The following DNAH10 variants were observed in gnomAD, a reference collection of about 807,000 sequenced individuals.
The protein encoded by DNAH10 is axonemal beta dynein heavy chain 10.
DNAH10 carries 348 observed loss-of-function variants against 506.6 expected under a neutral mutation model. That is an observed-to-expected ratio of 0.69 (90% CI 0.63 to 0.75). The LOEUF (loss-of-function observed/expected upper bound fraction) is 0.75, where lower values mean the gene tolerates loss of function less well. DNAH10 is among the 30% of genes least tolerant of loss of function. The pLI, the probability that DNAH10 is intolerant of heterozygous loss-of-function variation, is 0.00. For missense variants in DNAH10, 5,179 were observed against 5,787.1 expected (o/e 0.89, Z 3.41); for synonymous variants, 2,059 against 2,198.6 (o/e 0.94, Z 1.78).
chr12:123,789,740 C>A (rs1477019848), intron 10 of DNAH10, among the ~76,000 whole-genome samples, 187 bp from the exon 11 acceptor site: 1 of 152,114 alleles, frequency 6.6e-6, no homozygotes, highest in African/African-American at 2.4e-5. Flanking sequence ...GAGGAACAGG[C>A]AGGTGCAGAC....
Position 123,813,186 on chromosome 12 carries a change from G to A in DNAH10, c.3167G>A (p.Gly1056Asp), listed in dbSNP as rs756579937. 1.9e-6 allele frequency: 3 copies of A among 1,604,900 alleles called. No homozygotes were observed. The African/African-American group carries it at 4.0e-5, about 22-fold the overall frequency. Residue 1056 changes from glycine (G) to aspartate (D), a missense_variant, in exon 20 of 79, where the codon GGC becomes GAC. Transcript: ENST00000673944. ...ITKHFVRWMN[G>D]SCIECPPQKG... The stretch of plus-strand genomic sequence containing the variant: ...CAGCATTTTGTTCGTTGGATGAATG[G>A]CAGCTGCATAGAATGCCCACCTCAG...
At chr12:123,898,528 G>C in intron 55 of DNAH10, 125 bp from the exon 56 acceptor site, 7 of 1,244,488 alleles carry the variant, frequency 5.6e-6, no homozygotes, top group South Asian at 3.3e-5. Context: ...GGTACTGAAA[G>C]ACATGTGCCA....
intron 54 of DNAH10, among the ~76,000 whole-genome samples, chr12:123,897,204 A>G (rs942438178): frequency 6.6e-6 from 1 of 152,202 alleles, no homozygotes; most frequent in East Asian, 1.9e-4. Context: ...AGTGAATACT[A>G]TCCCCGGTAT....
At chr12:123,931,256 A>G (rs551569965) in intron 73 of DNAH10, 85 bp from the exon 74 acceptor site, 6 of 1,555,206 alleles carry the variant, frequency 3.9e-6, no homozygotes, top group Non-Finnish European at 5.2e-6. Flanking sequence ...TTAGTCTTGC[A>G]TGTCTTGGAG....
At chr12:123,856,775 TTA>T (rs1951408647) in intron 36 of DNAH10, among the ~76,000 whole-genome samples, 1 of 147,666 alleles carries the variant, frequency 6.8e-6, no homozygotes, top group East Asian at 1.9e-4. Context: ...AAAAATAAAA[TTA>T]TATAATTTCT....
chr12:123,785,598 C>G lies in DNAH10; in HGVS notation c.1231-148C>G, dbSNP rs1187407811. ...AGGCTGCAGTAAGCCATGTTTGTGC[C>G]ATTGCACTCCAGCCTGGGCACCAGA... On this transcript the variant is annotated intron_variant, in intron 8 of 78. Transcript: ENST00000673944. This position sits in a 1 kb window ranked among gnomAD's most constrained non-coding sequence, Gnocchi z 4.1. The G allele has an allele frequency of 2.9e-6, 2 of 693,322 alleles. No individual in the cohort carries two copies. Among genetic ancestry groups the G allele is most frequent in the Admixed American group, 6.4e-5 (2 of 31,284 alleles). 42.9% of individuals were successfully genotyped at this position (693,322 alleles called of 1,614,324 possible). A position where few individuals can be genotyped will look rare whatever the true frequency, so the allele number is the denominator to read the frequency against.
rs1229278268 is a variant in DNAH10, at chr12:123,853,381, G to A, written c.6438+29G>A. The A allele has an allele frequency of 1.9e-6, 3 of 1,599,582 alleles. No homozygotes were observed. Among genetic ancestry groups the A allele is most frequent in the Admixed American group, 1.7e-5 (1 of 57,984 alleles). ...GGGGCCACGTGCTGGAACATTCTCT[G>A]GTTTCAGCTGCTTCAGGCATTTACT... On this transcript the variant is annotated intron_variant, in intron 36 of 78. Coordinates refer to ENST00000673944, the MANE Select transcript of DNAH10 (RefSeq NM_001372106.1). The surrounding 1 kb of genome is among the most constrained non-coding windows in gnomAD (Gnocchi z 4.7).
At chr12:123,803,238 C>G (rs1445876392) in intron 16 of DNAH10, among the ~76,000 whole-genome samples, 1 of 152,054 alleles carries the variant, frequency 6.6e-6, no homozygotes, top group African/African-American at 2.4e-5. Context: ...TTTTTATTTT[C>G]ATAAAGTGAG....
In DNAH10 at chr12:123,913,165, C is replaced by T. The variant is rs762754495; in HGVS notation, c.10202C>T (p.Ala3401Val). 9 of 1,611,448 alleles carry T rather than the reference C, an allele frequency of 5.6e-6. No homozygotes were observed. The South Asian group carries it at 9.9e-5, about 18-fold the overall frequency. ...CTGGAAAGGATCCAGAATGAGTTGG[C>T]AGCAATTCAGAAAGAGCTGGAAACA... The part of the protein sequence containing the change: ...RELERIQNEL[A>V]AIQKELETLG... The change falls in exon 60 of 79, where the codon GCA (alanine) becomes GTA (valine). Residue 3401 changes from alanine (A) to valine (V), a missense_variant. This residue lies in a region of DNAH10 where 4,844 missense variants were observed against 5,430.5 expected (regional missense o/e 0.89). Transcript: ENST00000673944. This position sits in a 1 kb window ranked among gnomAD's most constrained non-coding sequence, Gnocchi z 5.1.
rs899356483 is a variant in DNAH10, at chr12:123,929,688, T to A, written c.12541T>A (p.Tyr4181Asn). ...FQVCMEILNT[Y>N]LTKAFQQRDP... ...GGTCTGCATGGAAATTCTGAACACGTACTTAACGAAAGCCTTCCAGCAACG... is the reference window on the plus strand; with the variant it reads ...GGTCTGCATGGAAATTCTGAACACGAACTTAACGAAAGCCTTCCAGCAACG... Residue 4181 changes from tyrosine (Y) to asparagine (N), a missense_variant, in exon 72 of 79, where the codon TAC (tyrosine) becomes AAC (asparagine). Physicochemically the swap from Tyr to Asn is moderately radical, Grantham distance 143. Coordinates refer to ENST00000673944, the MANE Select transcript of DNAH10 (RefSeq NM_001372106.1). The A allele has an allele frequency of 6.2e-7, 1 of 1,613,418 alleles. No individual in the cohort carries two copies. The highest frequency in any genetic ancestry group is 1.3e-5 in the African/African-American group (1 of 74,908).
In DNAH10 at chr12:123,848,802, G is replaced by A. The variant is rs1410717723; in HGVS notation, c.6022G>A (p.Asp2008Asn). The A allele has an allele frequency of 1.1e-5, 17 of 1,613,736 alleles. No individual in the cohort carries two copies. Among genetic ancestry groups the A allele is most frequent in the Middle Eastern group, 1.6e-4 (1 of 6,084 alleles). The part of the protein sequence containing the change: ...WGCFDEFNRI[D>N]ASVLSVISSQ... ...CTGCTTTGATGAGTTTAATCGAATCGATGCTTCTGTGCTCTCCGTGATCTC... is the reference window on the plus strand; with the variant it reads ...CTGCTTTGATGAGTTTAATCGAATCAATGCTTCTGTGCTCTCCGTGATCTC... Residue 2008 changes from aspartate (D) to asparagine (N), a missense_variant, in exon 34 of 79, where the codon GAT becomes AAT. By Grantham distance (23) the Asp-to-Asn change is conservative. Transcript: ENST00000673944.
rs1953555319 is a variant in DNAH10 at position 123,902,264 on chromosome 12, A to G, written c.9641-675A>G. ...TAACTAATTCCATCTACAAAGACCCACTTCCAAATAAGGTCACATCCTGAG... is the reference window on the plus strand; with the variant it reads ...TAACTAATTCCATCTACAAAGACCCGCTTCCAAATAAGGTCACATCCTGAG... On this transcript the variant is annotated intron_variant, in intron 56 of 78. Transcript: ENST00000673944. This position sits in a 1 kb window ranked among gnomAD's most constrained non-coding sequence, Gnocchi z 4.5. Among the ~76,000 whole-genome samples the G allele has an allele frequency of 6.6e-6, 1 of 151,780 alleles. No homozygotes were observed. Among genetic ancestry groups the G allele is most frequent in the Non-Finnish European group, 1.5e-5 (1 of 67,954 alleles).
intron 4 of DNAH10, among the ~76,000 whole-genome samples, chr12:123,773,388 C>G (rs1957328145): frequency 6.6e-6 from 1 of 152,202 alleles, no homozygotes; most frequent in Admixed American, 6.5e-5. Context: ...TAGGTCTTTT[C>G]AAACAACCCA....
chr12:123,916,393 C>G lies in DNAH10; in HGVS notation c.10723-64C>G. On this transcript the variant is annotated intron_variant, in intron 62 of 78. Coordinates refer to ENST00000673944, the MANE Select transcript of DNAH10 (RefSeq NM_001372106.1). The surrounding 1 kb of genome is among the most constrained non-coding windows in gnomAD (Gnocchi z 4.6). ...ACTTCCCACTTCCAAGCCATTCTCC[C>G]CTTATATTTGGCAGGGCCACAGTTA... 6.5e-7 allele frequency: 1 copy of G among 1,549,270 alleles called. No homozygotes were observed. Among genetic ancestry groups the G allele is most frequent in the East Asian group, 2.2e-5 (1 of 44,458 alleles).
At chr12:123,889,884 C>T (rs961818450) in intron 52 of DNAH10, among the ~76,000 whole-genome samples, 4 of 152,162 alleles carry the variant, frequency 2.6e-5, no homozygotes, top group African/African-American at 4.8e-5. Context: ...TCAGGCCACC[C>T]GTTTCTTGGC....
rs962080016 is a variant in DNAH10 at position 123,787,385 on chromosome 12, A to G, written c.1422-419A>G. On this transcript the variant is annotated intron_variant, in intron 9 of 78. Coordinates refer to ENST00000673944, the MANE Select transcript of DNAH10 (RefSeq NM_001372106.1). This position sits in a 1 kb window ranked among gnomAD's most constrained non-coding sequence, Gnocchi z 4.6. ...TATGTATCCATATCTATTTATATAC[A>G]TCTCTCTCTCTCTCTCTATCTACCT... is the stretch of plus-strand genomic sequence containing the variant. Among the ~76,000 whole-genome samples, 1 of 150,334 alleles carries G rather than the reference A, an allele frequency of 6.7e-6. No individual in the cohort carries two copies. Among genetic ancestry groups the G allele is most frequent in the African/African-American group, 2.4e-5 (1 of 41,000 alleles).
At position 123,933,466 on chromosome 12, in the gene DNAH10, A is replaced by G; in HGVS notation, c.13432A>G (p.Thr4478Ala). The G allele has an allele frequency of 7.4e-6, 12 of 1,612,090 alleles. No homozygotes were observed. In the South Asian group the frequency reaches 1.3e-4, roughly 18 times the overall value. ...CCGCTCCACCTTGTTCACACAAGTG[A>G]CCAAGTTCCAGGATGCAGATGAAGT... ...LDRSTLFTQV[T>A]KFQDADEVNE... is the part of the protein sequence containing the mutation. Residue 4478 changes from threonine to alanine, a missense_variant, in exon 77 of 79, where the codon ACC (threonine) becomes GCC (alanine). By Grantham distance (58) the Thr-to-Ala change is moderately conservative (BLOSUM62 0). This residue lies in a region of DNAH10 where 4,844 missense variants were observed against 5,430.5 expected (regional missense o/e 0.89). Coordinates refer to ENST00000673944, the MANE Select transcript of DNAH10 (RefSeq NM_001372106.1).
rs767200654 is a variant in DNAH10 at position 123,868,102 on chromosome 12, A to G, written c.7502A>G (p.Asn2501Ser). 6.2e-6 allele frequency: 10 copies of G among 1,613,000 alleles called. No individual in the cohort carries two copies. Among genetic ancestry groups the G allele is most frequent in the Non-Finnish European group, 7.6e-6 (9 of 1,179,786 alleles). ...STVDTEGVWA[N>S]PGELPGQLPT... Reference sequence around the variant, plus strand: ...GTTGACACAGAAGGAGTTTGGGCCAACCCTGGGGAACTGCCAGGTGGGAAC... The same window carrying G: ...GTTGACACAGAAGGAGTTTGGGCCAGCCCTGGGGAACTGCCAGGTGGGAAC... Residue 2501 changes from asparagine to serine, a missense_variant, in exon 43 of 79, where the codon AAC (asparagine) becomes AGC (serine). Asn to Ser is a conservative substitution (Grantham distance 46). This residue lies in a region of DNAH10 where 4,844 missense variants were observed against 5,430.5 expected (regional missense o/e 0.89). Coordinates refer to ENST00000673944, the MANE Select transcript of DNAH10 (RefSeq NM_001372106.1).
chr12:123,887,355 C>A, intron 52 of DNAH10, 42 bp downstream of exon 52: 1 of 1,592,420 alleles, frequency 6.3e-7, no homozygotes, highest in Admixed American at 1.7e-5. Context: ...ACACCCCGCT[C>A]AGCTCTTAAG....
Sources: allele counts gnomAD v4.1 joint callset (sites outside exome capture counted in the v4.1 genomes callset), GRCh38; gene constraint gnomAD v4.1.1; regional missense constraint gnomAD v4.1.1; non-coding constraint Gnocchi (gnomAD v3.1); transcripts MANE v1.5; gene names NCBI Gene and HGNC (gene_info 2026-07-23, HGNC 2026-07-21).